The following ZFHX3 variants were observed in gnomAD, a reference collection of about 807,000 sequenced individuals.
ZFHX3 encodes zinc finger homeobox 3.
ZFHX3 carries 42 observed loss-of-function variants against 279.1 expected under a neutral mutation model. The observed-to-expected ratio is 0.15, with a 90% CI of 0.12 to 0.19. ZFHX3 has a LOEUF of 0.19. Among genes scored for constraint, ZFHX3 ranks in the 10% least tolerant of loss-of-function variants. The pLI is 1.00. For missense variants in ZFHX3, 4,981 were observed against 4,754.0 expected (o/e 1.05, Z -1.40); for synonymous variants, 2,293 against 1,957.8 (o/e 1.17, Z -4.52).
chr16:73,783,937 G>T (rs1959554019), intron 1 of ZFHX3, among the ~76,000 whole-genome samples: 1 of 152,094 alleles, frequency 6.6e-6, no homozygotes, highest in African/African-American at 2.4e-5. Context: ...GGTTGATGCT[G>T]TTCCTAAGAA....
chr16:73,015,706 T>C (rs1022370606), intron 1 of ZFHX3: 5 of 152,308 alleles, frequency 3.3e-5, no homozygotes, highest in South Asian at 2.1e-4. Context: ...CCAGGGCCCG[T>C]GCACGCTGGG....
intron 1 of ZFHX3, among the ~76,000 whole-genome samples, chr16:73,692,378 C>A (rs1461118438): frequency 6.6e-6 from 1 of 152,086 alleles, no homozygotes; most frequent in African/African-American, 2.4e-5. Context: ...TGTTTAACAC[C>A]CTTTTTATAT....
intron 6 of ZFHX3, among the ~76,000 whole-genome samples, chr16:73,142,397 C>T (rs1331548431): frequency 6.6e-6 from 1 of 152,188 alleles, no homozygotes; most frequent in Admixed American, 6.5e-5. Flanking sequence ...TGCCAATACC[C>T]GCCGTAGAGA....
chr16:72,962,396 A>G (rs1322315036), intron 1 of ZFHX3, among the ~76,000 whole-genome samples: 6 of 152,202 alleles, frequency 3.9e-5, no homozygotes, highest in African/African-American at 1.4e-4. Context: ...AAAGCGGAAG[A>G]TGTCAGGAAA....
At chr16:73,282,921 T>C (rs1801828271) in intron 4 of ZFHX3, among the ~76,000 whole-genome samples, 2 of 152,346 alleles carry the variant, frequency 1.3e-5, no homozygotes, top group Middle Eastern at 3.4e-3. Flanking sequence ...TTATTGAGCA[T>C]CTATTATGTG....
chr16:73,496,788 C>G (rs1488839549), intron 2 of ZFHX3, among the ~76,000 whole-genome samples: 1 of 152,008 alleles, frequency 6.6e-6, no homozygotes, highest in African/African-American at 2.4e-5. Context: ...ATGGGAGGCA[C>G]TGGGAGGAGT....
At chr16:73,086,212 G>A (rs528540701) in intron 8 of ZFHX3, among the ~76,000 whole-genome samples, 1 of 152,238 alleles carries the variant, frequency 6.6e-6, no homozygotes, top group South Asian at 2.1e-4. Flanking sequence ...ACAAAAAATA[G>A]CAAATGCTGG....
At chr16:73,472,478 A>G (rs1243339148) in intron 2 of ZFHX3, among the ~76,000 whole-genome samples, 1 of 152,168 alleles carries the variant, frequency 6.6e-6, no homozygotes, top group Admixed American at 6.5e-5. Flanking sequence ...ATTGGAAGAG[A>G]GAATTTTCTA....
At chr16:72,907,533 G>C (rs886386564) in intron 3 of ZFHX3, among the ~76,000 whole-genome samples, 19 of 137,726 alleles carry the variant, frequency 1.4e-4, no homozygotes, top group Non-Finnish European at 2.6e-4. Flanking sequence ...GGTTTCCAAA[G>C]GTTTCCTCTA....
At chr16:73,494,769 C>T (rs1003303806) in intron 2 of ZFHX3, among the ~76,000 whole-genome samples, 6 of 151,474 alleles carry the variant, frequency 4.0e-5, no homozygotes, top group Non-Finnish European at 8.8e-5. Flanking sequence ...GGTTTCTCCA[C>T]GTTGATCAGG....
At chr16:73,127,616 A>G in intron 7 of ZFHX3, 2 of 1,293,394 alleles carry the variant, frequency 1.5e-6, no homozygotes, top group Non-Finnish European at 2.0e-6. Context: ...GCAGGCAAGA[A>G]AGGAACAGGG....
At chr16:72,929,352 G>T (rs1301632167) in intron 3 of ZFHX3, among the ~76,000 whole-genome samples, 1 of 152,108 alleles carries the variant, frequency 6.6e-6, no homozygotes, top group Non-Finnish European at 1.5e-5. Context: ...CCCTTGCTTG[G>T]GGAGAGGTCC....
At chr16:73,590,112 GA>G (rs1424538847) in intron 2 of ZFHX3, among the ~76,000 whole-genome samples, 2 of 152,164 alleles carry the variant, frequency 1.3e-5, no homozygotes, top group African/African-American at 4.8e-5. Flanking sequence ...TTGGGCATGG[GA>G]AAAGGACCAG....
intron 1 of ZFHX3, among the ~76,000 whole-genome samples, chr16:73,857,215 A>G (rs1424328510): frequency 1.3e-5 from 2 of 152,222 alleles, no homozygotes; most frequent in South Asian, 2.1e-4. Flanking sequence ...GTTTAATTCT[A>G]TTAAATTAGG....
At chr16:73,720,817 A>G (rs1394117631) in intron 1 of ZFHX3, among the ~76,000 whole-genome samples, 10 of 152,230 alleles carry the variant, frequency 6.6e-5, no homozygotes, top group Non-Finnish European at 1.5e-4. Flanking sequence ...GCATGAAAAC[A>G]TCTAGGAAAT....
Position 72,811,953 on chromosome 16 carries a change from G to A in ZFHX3, c.3615C>T (p.Pro1205=), listed in dbSNP as rs1274884430. The A allele has an allele frequency of 1.9e-6, 3 of 1,614,024 alleles. No individual in the cohort carries two copies. The highest frequency in any genetic ancestry group is 2.5e-6 in the Non-Finnish European group (3 of 1,180,036). Residue 1205 remains proline, a synonymous_variant, in exon 6 of 10, where the codon CCC becomes CCT. Transcript: ENST00000268489. ...RISFPGSSES[P]LSSKRPKTAE... Reference sequence around the variant, plus strand: ...CTGTTTTTGGTCGCTTCGAAGAGAGGGGAGACTCTGAGCTACCTGGGAAGG... The same window carrying A: ...CTGTTTTTGGTCGCTTCGAAGAGAGAGGAGACTCTGAGCTACCTGGGAAGG...
intron 4 of ZFHX3, among the ~76,000 whole-genome samples, chr16:72,833,839 G>A (rs2037122122): frequency 6.6e-6 from 1 of 152,146 alleles, no homozygotes; most frequent in Non-Finnish European, 1.5e-5. Flanking sequence ...TCCTGTGTGT[G>A]TTTTCATGTT....
intron 5 of ZFHX3, among the ~76,000 whole-genome samples, chr16:73,160,908 T>C (rs1292737334): frequency 3.3e-5 from 5 of 152,018 alleles, no homozygotes; most frequent in Admixed American, 6.6e-5. Context: ...TCTACATTCT[T>C]GGGTGGTGCC....
intron 5 of ZFHX3, among the ~76,000 whole-genome samples, chr16:73,231,121 A>T (rs2012759280): frequency 6.6e-6 from 1 of 152,210 alleles, no homozygotes; most frequent in Non-Finnish European, 1.5e-5. Context: ...CCACCATCCA[A>T]TGGCCTGAGA....
Sources: allele counts gnomAD v4.1 joint callset (sites outside exome capture counted in the v4.1 genomes callset), GRCh38; gene constraint gnomAD v4.1.1; transcripts MANE v1.5; gene names NCBI Gene and HGNC (gene_info 2026-07-23, HGNC 2026-07-21).